LRFN2: variants seen among roughly 807,000 people sequenced by gnomAD.
LRFN2 encodes the protein leucine rich repeat and fibronectin type III domain containing 2, also known as leucine-rich repeat and fibronectin type-III domain-containing protein 2.
A neutral mutation model predicts 37.3 loss-of-function variants in LRFN2; 18 were observed. The observed-to-expected ratio is 0.48, with a 90% CI of 0.33 to 0.72. The LOEUF (loss-of-function observed/expected upper bound fraction) is 0.72. Among genes scored for constraint, LRFN2 ranks in the 30% least tolerant of loss-of-function variants. The pLI, the probability that LRFN2 is intolerant of heterozygous loss-of-function variation, is 0.02. For synonymous variants in LRFN2, 556 were observed against 466.6 expected (o/e 1.19, Z -2.47); for missense variants, 1,006 against 1,060.7 (o/e 0.95, Z 0.72).
At chr6:40,569,804 C>A (rs929996251) in intron 1 of LRFN2, among the ~76,000 whole-genome samples, 1 of 152,172 alleles carries the variant, frequency 6.6e-6, no homozygotes, top group South Asian at 2.1e-4. Context: ...ATGTCATTCT[C>A]AGCTTAAAAG....
At chr6:40,435,509 A>T (rs1561854688) in intron 1 of LRFN2, among the ~76,000 whole-genome samples, 1 of 151,280 alleles carries the variant, frequency 6.6e-6, no homozygotes, top group East Asian at 2.0e-4. Flanking sequence ...AGGAGCACAG[A>T]TGCAGAAAAA....
chr6:40,536,299 G>A (rs538250447), intron 1 of LRFN2, among the ~76,000 whole-genome samples: 15 of 152,098 alleles, frequency 9.9e-5, no homozygotes, highest in East Asian at 7.8e-4. Context: ...ACACAGCCCC[G>A]TCCTCAGGGA....
chr6:40,558,056 T>C (rs1352757262), intron 1 of LRFN2, among the ~76,000 whole-genome samples: 1 of 152,218 alleles, frequency 6.6e-6, no homozygotes, highest in East Asian at 1.9e-4. Flanking sequence ...TGTGGTGCTC[T>C]GTGGGCCTCC....
intron 2 of LRFN2, among the ~76,000 whole-genome samples, chr6:40,430,851 A>G (rs1472647334): frequency 3.9e-5 from 6 of 152,164 alleles, no homozygotes; most frequent in Admixed American, 3.3e-4. Flanking sequence ...TCAGCGCTCA[A>G]TTGGGAAAGG....
At chr6:40,528,694 G>A (rs1766298148) in intron 1 of LRFN2, among the ~76,000 whole-genome samples, 1 of 152,188 alleles carries the variant, frequency 6.6e-6, no homozygotes, top group Non-Finnish European at 1.5e-5. Flanking sequence ...TAGATCATAA[G>A]TCTAGGAGTG....
chr6:40,549,472 C>T (rs1355278465), intron 1 of LRFN2, among the ~76,000 whole-genome samples: 1 of 152,034 alleles, frequency 6.6e-6, no homozygotes, highest in African/African-American at 2.4e-5. Context: ...TGGCTTTCAA[C>T]AAAAAGTAAG....
chr6:40,418,385 C>A (rs540681501), intron 2 of LRFN2, among the ~76,000 whole-genome samples: 13 of 152,228 alleles, frequency 8.5e-5, no homozygotes, highest in African/African-American at 2.6e-4. Flanking sequence ...TTTCATCTCT[C>A]CCCCCAGTAA....
chr6:40,437,194 G>A (rs958408466), intron 1 of LRFN2, among the ~76,000 whole-genome samples: 2 of 152,156 alleles, frequency 1.3e-5, no homozygotes, highest in Non-Finnish European at 2.9e-5. Flanking sequence ...TTCATGGCCT[G>A]TGCTGGATAT....
chr6:40,561,011 A>C lies in LRFN2; in HGVS notation c.-19+25930T>G, dbSNP rs183155996. Among the ~76,000 whole-genome samples the C allele has an allele frequency of 4.0e-4, 61 of 152,276 alleles. No homozygotes were observed. The South Asian group carries it at 6.2e-3, about 16-fold the overall frequency. On this transcript the variant is annotated intron_variant, in intron 1 of 2. Coordinates refer to ENST00000338305, the MANE Select transcript of LRFN2 (RefSeq NM_020737.3). ...TCCATCTGTGCTAAGAGATGTTCTG[A>C]GAAGTTTGTTGACTCAGTGCAGAAG...
chr6:40,553,424 T>C (rs567588597), intron 1 of LRFN2, among the ~76,000 whole-genome samples: 1 of 152,268 alleles, frequency 6.6e-6, no homozygotes, highest in South Asian at 2.1e-4. Context: ...CTGGATACTC[T>C]CTAAGTGAAG....
rs5875719 is a variant in LRFN2 at position 40,453,513 on chromosome 6, A to AACAC, written c.-18-20386_-18-20383dup. On this transcript the variant is annotated intron_variant, in intron 1 of 2. Coordinates refer to ENST00000338305, the MANE Select transcript of LRFN2 (RefSeq NM_020737.3). ...ACACCATTGTTACTCCCCCAAGCCA[A>AACAC]ACACACACACACACACACACACACA... is the stretch of plus-strand genomic sequence containing the variant. Among the ~76,000 whole-genome samples, 376 of 119,788 alleles carry AACAC rather than the reference A, an allele frequency of 3.1e-3. 2 individuals are homozygous for AACAC. The highest frequency in any genetic ancestry group is 9.5e-3 in the South Asian group (33 of 3,464). 78.6% of individuals were successfully genotyped at this position (119,788 alleles called of 152,430 possible). A position where few individuals can be genotyped will look rare whatever the true frequency, so the allele number is the denominator to read the frequency against.
chr6:40,448,191 A>T (rs184168558), intron 1 of LRFN2, among the ~76,000 whole-genome samples: 2 of 152,176 alleles, frequency 1.3e-5, no homozygotes, highest in East Asian at 3.9e-4. Flanking sequence ...GGGCTTGCTG[A>T]GTTGGGGAAG....
At chr6:40,499,593 G>A (rs114915850) in intron 1 of LRFN2, among the ~76,000 whole-genome samples, 1 of 152,154 alleles carries the variant, frequency 6.6e-6, no homozygotes, top group Non-Finnish European at 1.5e-5. Flanking sequence ...CTCCTCTTCA[G>A]GTTGCAATGT....
At chr6:40,558,562 TGGA>T (rs67228472) in intron 1 of LRFN2, among the ~76,000 whole-genome samples, 71,762 of 151,620 alleles carry the variant, frequency 0.47, 17,983 homozygotes, top group African/African-American at 0.64. Flanking sequence ...GAGAGAAGGC[TGGA>T]GGAGATGTCC....
At chr6:40,450,761 A>G (rs2860444) in intron 1 of LRFN2, among the ~76,000 whole-genome samples, 146,875 of 152,304 alleles carry the variant, frequency 0.96, 71,050 homozygotes, top group Non-Finnish European at 1. Context: ...ACAAATTTTC[A>G]CTGGCCTCCA....
intron 1 of LRFN2, among the ~76,000 whole-genome samples, chr6:40,439,148 G>A (rs779520651): frequency 1.6e-4 from 25 of 152,084 alleles, no homozygotes; most frequent in Admixed American, 5.2e-4. Context: ...TGGCTGGCAC[G>A]ATATATGTGA....
At chr6:40,501,945 T>C (rs76741303) in intron 1 of LRFN2, among the ~76,000 whole-genome samples, 13 of 152,214 alleles carry the variant, frequency 8.5e-5, no homozygotes, top group African/African-American at 2.9e-4. Flanking sequence ...AGTGACTTCA[T>C]GAAGCATGTC....
intron 1 of LRFN2, among the ~76,000 whole-genome samples, chr6:40,558,907 G>A (rs139076986): frequency 6.6e-6 from 1 of 152,338 alleles, no homozygotes; most frequent in Non-Finnish European, 1.5e-5. Context: ...CCGTGACACT[G>A]TGCAGAGGAT....
chr6:40,398,871 C>T (rs1051685606), intron 2 of LRFN2, among the ~76,000 whole-genome samples: 6 of 151,854 alleles, frequency 4.0e-5, no homozygotes, highest in Non-Finnish European at 7.4e-5. Flanking sequence ...CACAAATCTA[C>T]GGCTGATACT....
Sources: gnomAD v4.1 joint callset for allele counts (sites outside exome capture counted in the v4.1 genomes callset) on GRCh38, gnomAD v4.1.1 for gene constraint, MANE v1.5 for transcripts, NCBI Gene and HGNC (gene_info 2026-07-23, HGNC 2026-07-21) for gene names.